Variants in LRBA observed in about 807,000 individuals in gnomAD.
The protein encoded by LRBA is LPS responsive beige-like anchor protein.
A neutral mutation model predicts 330.0 loss-of-function variants in LRBA; 176 were observed. The ratio of observed to expected loss-of-function variants is 0.53; its 90% CI spans 0.47 to 0.60. The LOEUF is 0.60. Among genes scored for constraint, LRBA ranks in the 20% least tolerant of loss-of-function variants. The pLI is 0.00. For missense variants in LRBA, 3,259 were observed against 3,444.8 expected (o/e 0.95, Z 1.35); for synonymous variants, 1,230 against 1,193.0 (o/e 1.03, Z -0.64).
intron 2 of LRBA, among the ~76,000 whole-genome samples, chr4:150,997,597 A>C (rs1742808685): frequency 6.6e-6 from 1 of 152,210 alleles, no homozygotes; most frequent in Admixed American, 6.5e-5. Context: ...AAAAGAATTA[A>C]GATAAAGTAG....
chr4:150,945,064 A>T (rs888146379), intron 2 of LRBA, among the ~76,000 whole-genome samples: 9 of 152,334 alleles, frequency 5.9e-5, no homozygotes, highest in African/African-American at 1.9e-4. Flanking sequence ...TAAATTACCC[A>T]GTCTCGGTTA....
At chr4:150,921,026 C>T (rs1249756079) in intron 5 of LRBA, among the ~76,000 whole-genome samples, 172 bp downstream of exon 5, 1 of 152,180 alleles carries the variant, frequency 6.6e-6, no homozygotes, top group Non-Finnish European at 1.5e-5. Flanking sequence ...TATTTCTTCA[C>T]CTCTAAAGCA....
At chr4:150,404,086 CAAGGTGT>C (rs2151933715) in intron 47 of LRBA, among the ~76,000 whole-genome samples, 1 of 152,152 alleles carries the variant, frequency 6.6e-6, no homozygotes, top group Non-Finnish European at 1.5e-5. Flanking sequence ...CAAATACTTA[CAAGGTGT>C]AATTACTATT....
intron 49 of LRBA, among the ~76,000 whole-genome samples, chr4:150,322,995 C>G (rs142013616): frequency 3.1e-3 from 73 of 23,904 alleles, no homozygotes; most frequent in Non-Finnish European, 5.2e-3. Flanking sequence ...GTGTGTGTCT[C>G]TGTGTGTGTG....
intron 17 of LRBA, among the ~76,000 whole-genome samples, chr4:150,876,925 A>T (rs1579071088): frequency 1.3e-5 from 2 of 151,910 alleles, no homozygotes; most frequent in East Asian, 1.9e-4. Context: ...CATATTGGAT[A>T]AAAAAAACAA....
intron 47 of LRBA, among the ~76,000 whole-genome samples, chr4:150,364,924 A>G (rs1160836579): frequency 6.6e-6 from 1 of 151,856 alleles, no homozygotes; most frequent in Non-Finnish European, 1.5e-5. Context: ...AATATTTTAT[A>G]TCATAATAAA....
chr4:150,790,194 A>G (rs1423213781), intron 34 of LRBA, among the ~76,000 whole-genome samples: 1 of 152,228 alleles, frequency 6.6e-6, no homozygotes, highest in Non-Finnish European at 1.5e-5. Flanking sequence ...CTAGTTATAT[A>G]GTCAGCATGG....
chr4:150,635,747 C>A (rs1251607069), intron 37 of LRBA, among the ~76,000 whole-genome samples: 1 of 152,206 alleles, frequency 6.6e-6, no homozygotes, highest in East Asian at 1.9e-4. Context: ...AAAACTGATA[C>A]ATTATTACCT....
intron 36 of LRBA, among the ~76,000 whole-genome samples, chr4:150,712,220 G>C (rs934988750): frequency 6.6e-6 from 1 of 152,110 alleles, no homozygotes; most frequent in Admixed American, 6.6e-5. Flanking sequence ...TTATTGTAAG[G>C]ATTAAATGAA....
intron 44 of LRBA, 129 bp downstream of exon 44, chr4:150,467,542 TAA>T: frequency 1.8e-6 from 1 of 559,704 alleles, no homozygotes; most frequent in Non-Finnish European, 3.2e-6. Flanking sequence ...AAAATCTGTT[TAA>T]GAGATAATTA....
chr4:150,681,905 CT>C (rs1783086906), intron 37 of LRBA, among the ~76,000 whole-genome samples: 1 of 152,084 alleles, frequency 6.6e-6, no homozygotes, highest in Non-Finnish European at 1.5e-5. Flanking sequence ...GTCCATTTAG[CT>C]CTCCAAGATA....
chr4:150,353,672 C>A (rs2151826078), intron 47 of LRBA, among the ~76,000 whole-genome samples: 1 of 152,264 alleles, frequency 6.6e-6, no homozygotes, highest in East Asian at 1.9e-4. Flanking sequence ...ACCGTGTGCT[C>A]ATATCATGCT....
chr4:150,334,689 A>G (rs116398838), intron 48 of LRBA, among the ~76,000 whole-genome samples: 1,773 of 152,138 alleles, frequency 0.012, 31 homozygotes, highest in African/African-American at 0.04. Flanking sequence ...ATACCAATTG[A>G]TATCTTACAC....
At chr4:150,335,139 T>G (rs572145754) in intron 48 of LRBA, among the ~76,000 whole-genome samples, 13 of 152,076 alleles carry the variant, frequency 8.5e-5, no homozygotes, top group African/African-American at 2.6e-4. Flanking sequence ...CCCACTTCTA[T>G]GAATTTTCAT....
intron 36 of LRBA, among the ~76,000 whole-genome samples, chr4:150,723,391 C>A (rs1008074331): frequency 2.0e-4 from 30 of 152,304 alleles, no homozygotes; most frequent in Admixed American, 1.9e-3. Context: ...GGGCACCAGG[C>A]AGAGTCATGA....
intron 40 of LRBA, chr4:150,580,471 C>G (rs548944900): frequency 6.6e-6 from 1 of 152,216 alleles, no homozygotes; most frequent in African/African-American, 2.4e-5. Context: ...CAGGTTCACC[C>G]GGCCGGACTT....
chr4:150,737,080 T>A (rs1731276179), intron 35 of LRBA, among the ~76,000 whole-genome samples: 1 of 151,998 alleles, frequency 6.6e-6, no homozygotes, highest in Non-Finnish European at 1.5e-5. Context: ...TAGCGAGGCA[T>A]GGTAGTGCAT....
chr4:150,916,802 A>T, intron 5 of LRBA, 64 bp from the exon 6 acceptor site: 1 of 1,313,666 alleles, frequency 7.6e-7, no homozygotes, highest in Non-Finnish European at 1.0e-6. Context: ...AATCATGAAA[A>T]TAAGACTTTG....
intron 22 of LRBA, among the ~76,000 whole-genome samples, 173 bp from the exon 23 acceptor site, chr4:150,853,116 T>C (rs920331589): frequency 2.0e-5 from 3 of 152,284 alleles, no homozygotes; most frequent in Admixed American, 6.5e-5. Context: ...GAAATCTAAA[T>C]ATTCATTAAA....
Sources: allele counts gnomAD v4.1 joint callset (sites outside exome capture counted in the v4.1 genomes callset), GRCh38; gene constraint gnomAD v4.1.1; transcripts MANE v1.5; gene names NCBI Gene and HGNC (gene_info 2026-07-23, HGNC 2026-07-21).